Variants in TARBP1 observed in about 807,000 individuals in gnomAD.
TARBP1 encodes the protein tRNA (guanosine(18)-2'-O)-methyltransferase TARBP1.
Under a neutral mutation model 178.6 loss-of-function variants are expected in TARBP1, and 144 were observed. The ratio of observed to expected loss-of-function variants is 0.81; its 90% CI spans 0.70 to 0.93. The LOEUF (loss-of-function observed/expected upper bound fraction) is 0.93. Ranked by LOEUF, TARBP1 falls within the 40% of genes least tolerant of loss-of-function variation. TARBP1 has a pLI of 0.00. For synonymous variants in TARBP1, 787 were observed against 781.0 expected, an observed-to-expected ratio of 1.01 and a Z score of -0.13; for missense variants, 2,067 against 2,011.7, an observed-to-expected ratio of 1.03 and a Z score of -0.53.
intron 13 of TARBP1, among the ~76,000 whole-genome samples, chr1:234,434,678 G>A (rs1228854851): frequency 2.0e-5 from 3 of 152,198 alleles, no homozygotes; most frequent in Non-Finnish European, 4.4e-5. Context: ...AGGGTGGTCT[G>A]AGGTGGAGAC....
intron 4 of TARBP1, among the ~76,000 whole-genome samples, chr1:234,466,179 G>A (rs1391924907): frequency 6.6e-6 from 1 of 152,176 alleles, no homozygotes; most frequent in Non-Finnish European, 1.5e-5. Flanking sequence ...GAAACATGAT[G>A]CATATCAATA....
intron 11 of TARBP1, 50 bp downstream of exon 11, chr1:234,448,430 T>A (rs115691704): frequency 2.7e-6 from 4 of 1,500,526 alleles, no homozygotes; most frequent in Non-Finnish European, 3.7e-6. Flanking sequence ...ATCATAATTC[T>A]CATCAGGATT....
rs757528885 is a variant in TARBP1 at position 234,437,324 on chromosome 1, C to T, written c.2183G>A (p.Ser728Asn). ...LQNFFMSTTESISEFILRRLT... is the reference protein window; with the variant it reads ...LQNFFMSTTENISEFILRRLT... ...TCTTCTGAGAATAAATTCAGAAATG[C>T]TCTCTGTAGTAGACATGAAAAAGTT... The change falls in exon 13 of 30, where the codon AGC (serine) becomes AAC (asparagine). Residue 728 changes from serine to asparagine, a missense_variant. Ser to Asn is a conservative substitution (Grantham distance 46). Transcript: ENST00000040877. 1 of 1,599,314 alleles carries T rather than the reference C, an allele frequency of 6.3e-7. No individual in the cohort carries two copies. Among genetic ancestry groups the T allele is most frequent in the South Asian group, 1.1e-5 (1 of 87,200 alleles).
intron 20 of TARBP1, among the ~76,000 whole-genome samples, chr1:234,422,204 T>A (rs1278426980): frequency 3.9e-5 from 6 of 152,166 alleles, no homozygotes. Context: ...AAGTTGAGAA[T>A]TCTAAAATTC....
At chr1:234,395,304 T>C (rs1241915379) in intron 26 of TARBP1, among the ~76,000 whole-genome samples, 1 of 152,180 alleles carries the variant, frequency 6.6e-6, no homozygotes, top group Non-Finnish European at 1.5e-5. Flanking sequence ...AGTACTGCTG[T>C]GTGTTTTAGA....
intron 20 of TARBP1, among the ~76,000 whole-genome samples, chr1:234,423,226 C>G (rs530003576): frequency 1.1e-4 from 17 of 152,282 alleles, no homozygotes; most frequent in Admixed American, 1.1e-3. Flanking sequence ...TACAACCTCA[C>G]CAATGCTCAT....
Position 234,429,210 on chromosome 1 carries a change from G to T in TARBP1, c.2986C>A (p.Gln996Lys). 2 of 1,608,240 alleles carry T rather than the reference G, an allele frequency of 1.2e-6. No individual in the cohort carries two copies. The highest frequency in any genetic ancestry group is 2.2e-5 in the South Asian group (2 of 89,080). ...AGAACTTTGTTATCAAAAACAAACT[G>T]AACAAAAGCTTTTAAATTAGCCCAG... ...IFWANLKAFV[Q>K]FVFDNKVLTI... The change falls in exon 17 of 30, where the codon CAG becomes AAG. Residue 996 changes from glutamine (Q) to lysine (K), a missense_variant. Coordinates refer to ENST00000040877, the MANE Select transcript of TARBP1 (RefSeq NM_005646.4).
chr1:234,434,689 A>G (rs1434722819), intron 13 of TARBP1, among the ~76,000 whole-genome samples: 3 of 152,202 alleles, frequency 2.0e-5, no homozygotes, highest in Non-Finnish European at 2.9e-5. Context: ...AGGTGGAGAC[A>G]GAGATTTGAG....
intron 12 of TARBP1, among the ~76,000 whole-genome samples, chr1:234,446,235 T>C (rs1189079741): frequency 1.3e-5 from 2 of 152,196 alleles, no homozygotes; most frequent in Non-Finnish European, 2.9e-5. Context: ...CTACGGGTTT[T>C]CAACTGCTGT....
rs768940216 is a variant in TARBP1 at position 234,430,279 on chromosome 1, A to C, written c.2417T>G (p.Ile806Ser). 1 of 1,613,916 alleles carries C rather than the reference A, an allele frequency of 6.2e-7. No individual in the cohort carries two copies. Among genetic ancestry groups the C allele is most frequent in the Non-Finnish European group, 8.5e-7 (1 of 1,179,974 alleles). ...SGQEPTVGSQIQRVVSMAALA... is the reference protein window; with the variant it reads ...SGQEPTVGSQSQRVVSMAALA... ...GGCAGCCATGCTCACTACTCTCTGA[A>C]TCTGACTTCCAACTGTTGGCTCCTG... The change falls in exon 15 of 30, where the codon ATT becomes AGT. Residue 806 changes from isoleucine (I) to serine (S), a missense_variant. Coordinates refer to ENST00000040877, the MANE Select transcript of TARBP1 (RefSeq NM_005646.4).
At chr1:234,458,640 G>C (rs1234953178) in intron 8 of TARBP1, among the ~76,000 whole-genome samples, 1 of 152,216 alleles carries the variant, frequency 6.6e-6, no homozygotes, top group African/African-American at 2.4e-5. Context: ...GACCCCTGTA[G>C]TAAGCAATAT....
intron 20 of TARBP1, among the ~76,000 whole-genome samples, chr1:234,424,061 T>C (rs905344854): frequency 6.6e-6 from 1 of 152,160 alleles, no homozygotes; most frequent in African/African-American, 2.4e-5. Flanking sequence ...GAGAGGGAAT[T>C]GTTGCATAAA....
intron 12 of TARBP1, 124 bp from the exon 13 acceptor site, chr1:234,437,496 A>G: frequency 2.0e-6 from 1 of 511,436 alleles, no homozygotes; most frequent in Non-Finnish European, 3.6e-6. Context: ...AATAAATTGC[A>G]ATAATATAAT....
At chr1:234,433,010 C>T (rs1664625785) in intron 14 of TARBP1, among the ~76,000 whole-genome samples, 1 of 152,176 alleles carries the variant, frequency 6.6e-6, no homozygotes, top group Admixed American at 6.5e-5. Flanking sequence ...GAGGCCAAGG[C>T]AGGCGGATCA....
intron 28 of TARBP1, among the ~76,000 whole-genome samples, chr1:234,392,907 G>C (rs916906575): frequency 2.0e-5 from 3 of 152,000 alleles, no homozygotes; most frequent in Admixed American, 6.6e-5. Flanking sequence ...TTTTAGTAGA[G>C]ATGGGGTTTC....
chr1:234,450,751 T>C (rs1408247107), intron 9 of TARBP1, among the ~76,000 whole-genome samples, 185 bp from the exon 10 acceptor site: 1 of 150,974 alleles, frequency 6.6e-6, no homozygotes, highest in Non-Finnish European at 1.5e-5. Flanking sequence ...ACTATGTGTA[T>C]ATATATTTAT....
At chr1:234,474,799 G>C (rs1374910043) in intron 1 of TARBP1, among the ~76,000 whole-genome samples, 1 of 152,170 alleles carries the variant, frequency 6.6e-6, no homozygotes, top group Non-Finnish European at 1.5e-5. Context: ...TGCTCATTAG[G>C]ACATAGAAAA....
chr1:234,443,244 C>T (rs899063160), intron 12 of TARBP1, among the ~76,000 whole-genome samples: 11 of 150,020 alleles, frequency 7.3e-5, no homozygotes, highest in African/African-American at 1.2e-4. Flanking sequence ...GAGCCAAGAT[C>T]GCACCATTGC....
intron 24 of TARBP1, among the ~76,000 whole-genome samples, chr1:234,404,967 G>A (rs1260746747): frequency 6.6e-6 from 1 of 152,152 alleles, no homozygotes; most frequent in Non-Finnish European, 1.5e-5. Flanking sequence ...GGGCCAGGGA[G>A]GTACCCTCGC....
Sources: allele counts gnomAD v4.1 joint callset (sites outside exome capture counted in the v4.1 genomes callset), GRCh38; gene constraint gnomAD v4.1.1; transcripts MANE v1.5; gene names NCBI Gene and HGNC (gene_info 2026-07-23, HGNC 2026-07-21).